MXRA7: variants seen among roughly 807,000 people sequenced by gnomAD.
MXRA7 encodes the protein matrix-remodeling-associated protein 7.
In MXRA7, 18 loss-of-function variants were observed where a neutral mutation model predicts 17.4. The ratio of observed to expected loss-of-function variants is 1.03; its 90% CI spans 0.71 to 1.53. The LOEUF is 1.53. MXRA7 is among the 40% of genes most tolerant of loss of function. The pLI is 0.00. For missense variants in MXRA7, 141 were observed against 209.3 expected (o/e 0.67, Z 2.01); for synonymous variants, 70 against 101.7 (o/e 0.69, Z 1.87).
intron 1 of MXRA7, among the ~76,000 whole-genome samples, chr17:76,698,485 T>TC (rs1012969536): frequency 6.6e-5 from 10 of 151,408 alleles, no homozygotes; most frequent in African/African-American, 2.4e-4. Context: ...CTCAGCCATC[T>TC]CCCCCTCCAA....
At chr17:76,708,107 T>C (rs1183182993) in intron 1 of MXRA7, among the ~76,000 whole-genome samples, 1 of 152,198 alleles carries the variant, frequency 6.6e-6, no homozygotes, top group African/African-American at 2.4e-5. Context: ...CACTACTTTG[T>C]CCTTGGCCAA....
intron 1 of MXRA7, among the ~76,000 whole-genome samples, chr17:76,702,077 T>C (rs1302436087): frequency 6.6e-6 from 1 of 152,172 alleles, no homozygotes; most frequent in African/African-American, 2.4e-5. Flanking sequence ...CATTTTGAGA[T>C]AGAGAAAATA....
rs2076289844 is a variant in MXRA7, at chr17:76,680,619, C to G, written c.*248G>C. ...CTGAGCTCTACCTCTTAAAACTCTT[C>G]AGCTTAACAAAGTGACCCACAGGAA... On this transcript the variant is annotated 3_prime_UTR_variant, in exon 4 of 4. Coordinates refer to ENST00000449428, the MANE Select transcript of MXRA7 (RefSeq NM_198530.4). 1 of 1,292,168 alleles carries G rather than the reference C, an allele frequency of 7.7e-7. No homozygotes were observed. The highest frequency in any genetic ancestry group is 1.5e-5 in the African/African-American group (1 of 65,432). The allele number at this position is 1,292,168 out of a possible 1,614,324, so 80.0% of individuals were successfully genotyped here. A position where few individuals can be genotyped will look rare whatever the true frequency, so the allele number is the denominator to read the frequency against.
intron 1 of MXRA7, among the ~76,000 whole-genome samples, chr17:76,706,317 A>G (rs35026044): frequency 0.11 from 5,493 of 50,568 alleles, 1,045 homozygotes; most frequent in East Asian, 0.2. Flanking sequence ...CCACGCTGCC[A>G]TCACAAAGGA....
chr17:76,688,925 T>C (rs938042952), intron 1 of MXRA7: 2 of 279,308 alleles, frequency 7.2e-6, no homozygotes, highest in African/African-American at 2.2e-5. Context: ...GCTGATCCCA[T>C]GGAGCCCAGC....
At chr17:76,694,834 C>T (rs1454547713) in intron 1 of MXRA7, among the ~76,000 whole-genome samples, 1 of 152,140 alleles carries the variant, frequency 6.6e-6, no homozygotes, top group Non-Finnish European at 1.5e-5. Context: ...GATCTGCCTG[C>T]CTCAGCCTCC....
Position 76,709,932 on chromosome 17 carries a change from T to G in MXRA7, c.342+673A>C, listed in dbSNP as rs577022358. On this transcript the variant is annotated intron_variant, in intron 1 of 3. Coordinates refer to ENST00000449428, the MANE Select transcript of MXRA7 (RefSeq NM_198530.4). ...CTGGTGCTCCAGGAGGGCTTTATCC[T>G]GCATCTTCACTCCATCCAGGCCCAG... 3.9e-5 allele frequency: 6 copies of G among 152,988 alleles called. No individual in the cohort carries two copies. The East Asian group carries it at 1.2e-3, about 29-fold the overall frequency. The allele number at this position is 152,988 out of a possible 1,614,324, so 9.5% of individuals were successfully genotyped here. A position where few individuals can be genotyped will look rare whatever the true frequency, so the allele number is the denominator to read the frequency against.
chr17:76,683,181 C>T (rs962321599), intron 3 of MXRA7, among the ~76,000 whole-genome samples: 1 of 152,214 alleles, frequency 6.6e-6, no homozygotes, highest in Non-Finnish European at 1.5e-5. Flanking sequence ...AGCCTCTGTC[C>T]AGGGACTGCA....
intron 1 of MXRA7, chr17:76,688,509 CG>C: frequency 3.8e-6 from 5 of 1,310,632 alleles, no homozygotes; most frequent in Non-Finnish European, 3.9e-6. Flanking sequence ...TGCGACGCTG[CG>C]GCCAGCAGAC....
chr17:76,698,486 C>T (rs2076558273), intron 1 of MXRA7, among the ~76,000 whole-genome samples: 1 of 152,116 alleles, frequency 6.6e-6, no homozygotes, highest in Non-Finnish European at 1.5e-5. Flanking sequence ...TCAGCCATCT[C>T]CCCCTCCAAA....
chr17:76,683,797 G>A lies in MXRA7; in HGVS notation c.500+1275C>T, dbSNP rs1215227902. ...GCGTCAGTTGTTTGGGGGCACGTTA[G>A]CACGCAGTAGAAGGGGAGCACCACT... On this transcript the variant is annotated intron_variant, in intron 3 of 3. Transcript: ENST00000449428. The A allele has an allele frequency of 7.0e-6, 10 of 1,423,336 alleles. No individual in the cohort carries two copies. In the East Asian group the frequency reaches 1.8e-4, roughly 26 times the overall value. The allele number at this position is 1,423,336 out of a possible 1,614,324, so 88.2% of individuals were successfully genotyped here.
At chr17:76,684,593 C>T (rs1247992601) in intron 3 of MXRA7, 7 of 364,576 alleles carry the variant, frequency 1.9e-5, no homozygotes, top group Non-Finnish European at 3.2e-5. Context: ...CATAGCTGCA[C>T]TGCCCGGAGC....
chr17:76,686,435 G>A (rs955137924), intron 2 of MXRA7, among the ~76,000 whole-genome samples: 1 of 152,232 alleles, frequency 6.6e-6, no homozygotes, highest in Non-Finnish European at 1.5e-5. Context: ...AGCCGAGATC[G>A]CGCCACTGTA....
downstream of MXRA7, among the ~76,000 whole-genome samples, chr17:76,678,688 C>T (rs771826723): frequency 2.0e-5 from 3 of 152,204 alleles, no homozygotes; most frequent in Non-Finnish European, 4.4e-5. Context: ...GCTGTAAGCA[C>T]GTTACAGGCT....
chr17:76,682,614 T>C (rs1362990884), intron 3 of MXRA7, among the ~76,000 whole-genome samples: 1 of 151,962 alleles, frequency 6.6e-6, no homozygotes, highest in Admixed American at 6.6e-5. Context: ...GACAGCGTGA[T>C]GTGGAGCCGC....
intron 1 of MXRA7, chr17:76,688,604 T>G (rs1297578670): frequency 8.0e-7 from 1 of 1,253,410 alleles, no homozygotes; most frequent in African/African-American, 1.5e-5. Flanking sequence ...CTGGCTTTGC[T>G]TCCTTCTATG....
At position 76,679,617 on chromosome 17, in the gene MXRA7, A is replaced by G; in HGVS notation, c.*1250T>C. 1.0e-6 allele frequency: 1 copy of G among 972,312 alleles called. No individual in the cohort carries two copies. The highest frequency in any genetic ancestry group is 6.1e-5 in the Admixed American group (1 of 16,264). 60.2% of individuals were successfully genotyped at this position (972,312 alleles called of 1,614,324 possible). On this transcript the variant is annotated 3_prime_UTR_variant, in exon 4 of 4. Coordinates refer to ENST00000449428, the MANE Select transcript of MXRA7 (RefSeq NM_198530.4). ...ATTGGACTGAACAAAGGCTGAATAC[A>G]GAGATCCAAGCCATGAGGAGTACAT...
chr17:76,689,063 CTT>C (rs1431336817), intron 1 of MXRA7: 1 of 157,240 alleles, frequency 6.4e-6, no homozygotes, highest in Non-Finnish European at 1.4e-5. Flanking sequence ...CTCTGAGTGA[CTT>C]TTTGTTTGTT....
chr17:76,677,590 A>T (rs764191997), downstream of MXRA7: 2 of 1,608,276 alleles, frequency 1.2e-6, no homozygotes, highest in Non-Finnish European at 1.7e-6. Context: ...GGCGCAGTCT[A>T]CATGTCGTAG....
Sources: gnomAD v4.1 joint callset for allele counts (sites outside exome capture counted in the v4.1 genomes callset) on GRCh38, gnomAD v4.1.1 for gene constraint, MANE v1.5 for transcripts, NCBI Gene and HGNC (gene_info 2026-07-23, HGNC 2026-07-21) for gene names.